The following SORCS3 variants were observed in gnomAD, a reference collection of about 807,000 sequenced individuals.
The protein encoded by SORCS3 is VPS10 domain-containing receptor SorCS3.
Under a neutral mutation model 146.3 loss-of-function variants are expected in SORCS3, and 57 were observed. The observed-to-expected ratio is 0.39, with a 90% CI of 0.31 to 0.49. The LOEUF is 0.49. Among genes scored for constraint, SORCS3 ranks in the 20% least tolerant of loss-of-function variants. SORCS3 has a pLI of 0.92. For missense variants in SORCS3, 1,341 were observed against 1,575.5 expected, an observed-to-expected ratio of 0.85 and a Z score of 2.52; for synonymous variants, 653 against 618.5, an observed-to-expected ratio of 1.06 and a Z score of -0.83.
chr10:104,789,330 C>T (rs1039111203), intron 1 of SORCS3, among the ~76,000 whole-genome samples: 2 of 152,136 alleles, frequency 1.3e-5, no homozygotes, highest in Non-Finnish European at 2.9e-5. Context: ...GGCATTGGTG[C>T]TGGGAGTCTA....
intron 20 of SORCS3, among the ~76,000 whole-genome samples, chr10:105,236,095 C>A (rs1254339245): frequency 6.6e-6 from 1 of 152,064 alleles, no homozygotes; most frequent in Non-Finnish European, 1.5e-5. Flanking sequence ...AAATTAGTTT[C>A]TCCGTATAGA....
chr10:105,041,592 A>G (rs2055338913), intron 4 of SORCS3, among the ~76,000 whole-genome samples: 1 of 151,938 alleles, frequency 6.6e-6, no homozygotes, highest in South Asian at 2.1e-4. Context: ...CCGTTGTTCA[A>G]TAAATATTTG....
chr10:105,131,359 A>G (rs1013539750), intron 7 of SORCS3, among the ~76,000 whole-genome samples: 2 of 152,184 alleles, frequency 1.3e-5, no homozygotes, highest in African/African-American at 4.8e-5. Flanking sequence ...TGGCTTAGAC[A>G]GATTATTCAC....
intron 2 of SORCS3, among the ~76,000 whole-genome samples, chr10:104,861,700 G>C (rs962885998): frequency 6.6e-6 from 1 of 152,134 alleles, no homozygotes; most frequent in Non-Finnish European, 1.5e-5. Context: ...ATGGCAGGAC[G>C]TCACCCAGTG....
At chr10:104,740,448 C>A (rs1405511902) in intron 1 of SORCS3, among the ~76,000 whole-genome samples, 2 of 152,206 alleles carry the variant, frequency 1.3e-5, no homozygotes, top group Non-Finnish European at 2.9e-5. Context: ...CGCACCTCCT[C>A]TGGGAAGTCT....
chr10:104,793,705 G>A (rs1223955560), intron 1 of SORCS3, among the ~76,000 whole-genome samples: 1 of 152,214 alleles, frequency 6.6e-6, no homozygotes, highest in Non-Finnish European at 1.5e-5. Context: ...AGAGCAGCAA[G>A]TGTATTATTT....
At chr10:104,699,275 T>A (rs765994515) in intron 1 of SORCS3, among the ~76,000 whole-genome samples, 29 of 152,310 alleles carry the variant, frequency 1.9e-4, no homozygotes, top group Middle Eastern at 3.4e-3. Flanking sequence ...TATCCACATG[T>A]GACATGTTTG....
At chr10:105,218,963 C>CA (rs2056681459) in intron 19 of SORCS3, among the ~76,000 whole-genome samples, 1 of 152,006 alleles carries the variant, frequency 6.6e-6, no homozygotes, top group Non-Finnish European at 1.5e-5. Context: ...TGCAGTGAGC[C>CA]AAAATCACGC....
intron 3 of SORCS3, among the ~76,000 whole-genome samples, chr10:104,936,141 T>C (rs1211474119): frequency 1.3e-5 from 2 of 152,220 alleles, no homozygotes; most frequent in Non-Finnish European, 2.9e-5. Flanking sequence ...AGTAAATTAA[T>C]CTATTATACA....
At chr10:104,953,236 AG>A (rs369115354) in intron 3 of SORCS3, among the ~76,000 whole-genome samples, 2 of 152,314 alleles carry the variant, frequency 1.3e-5, no homozygotes, top group South Asian at 4.1e-4. Context: ...ATCATGGTGA[AG>A]GCTCTGCTGA....
intron 1 of SORCS3, among the ~76,000 whole-genome samples, chr10:104,836,843 T>C (rs77575258): frequency 0.099 from 14,979 of 152,046 alleles, 916 homozygotes; most frequent in South Asian, 0.24. Flanking sequence ...ACTAGAATGC[T>C]GCCCCTACCT....
chr10:104,762,036 C>A (rs2017127202), intron 1 of SORCS3, among the ~76,000 whole-genome samples: 1 of 152,202 alleles, frequency 6.6e-6, no homozygotes, highest in Non-Finnish European at 1.5e-5. Flanking sequence ...CCACAAGAAT[C>A]CTTCTCTTAA....
chr10:104,878,521 T>G (rs1177221861), intron 2 of SORCS3, among the ~76,000 whole-genome samples: 1 of 152,202 alleles, frequency 6.6e-6, no homozygotes. Flanking sequence ...GTGTTTATTA[T>G]CTTTAATTGT....
At chr10:104,785,858 T>C (rs1477609329) in intron 1 of SORCS3, among the ~76,000 whole-genome samples, 1 of 152,202 alleles carries the variant, frequency 6.6e-6, no homozygotes, top group African/African-American at 2.4e-5. Flanking sequence ...CTGGTGAAAG[T>C]GGTCAATCTT....
intron 4 of SORCS3, among the ~76,000 whole-genome samples, chr10:105,031,659 T>C (rs914451594): frequency 6.6e-6 from 1 of 152,224 alleles, no homozygotes; most frequent in Non-Finnish European, 1.5e-5. Flanking sequence ...GAGGATATTA[T>C]TTCTTACATT....
At chr10:104,786,088 G>A (rs2017432226) in intron 1 of SORCS3, among the ~76,000 whole-genome samples, 1 of 152,066 alleles carries the variant, frequency 6.6e-6, no homozygotes, top group South Asian at 2.1e-4. Flanking sequence ...TGCTATTCTT[G>A]GAGATTCACA....
chr10:105,114,989 G>A (rs541170092), intron 7 of SORCS3, among the ~76,000 whole-genome samples: 1 of 152,230 alleles, frequency 6.6e-6, no homozygotes, highest in African/African-American at 2.4e-5. Flanking sequence ...TGTTCCAGAA[G>A]TACTAGCAAT....
At position 104,762,822 on chromosome 10, in the gene SORCS3, G is replaced by A. The variant is rs1410234453; in HGVS notation, c.628-79970G>A. ...TTCCTGAGGCTTCTCTAGCCATGCG[G>A]AACTGAGTCAATGAAATCTACTTTC... On this transcript the variant is annotated intron_variant, in intron 1 of 26. Coordinates refer to ENST00000369701, the MANE Select transcript of SORCS3 (RefSeq NM_014978.3). Among the ~76,000 whole-genome samples the A allele has an allele frequency of 2.0e-5, 3 of 152,178 alleles. No individual in the cohort carries two copies. The South Asian group carries it at 6.2e-4, about 32-fold the overall frequency.
chr10:104,855,552 T>A (rs1279066606), intron 2 of SORCS3, among the ~76,000 whole-genome samples: 1 of 152,214 alleles, frequency 6.6e-6, no homozygotes, highest in Non-Finnish European at 1.5e-5. Context: ...GTACACTTAT[T>A]TAAGTATTTC....
Sources: allele counts gnomAD v4.1 joint callset (sites outside exome capture counted in the v4.1 genomes callset), GRCh38; gene constraint gnomAD v4.1.1; transcripts MANE v1.5; gene names NCBI Gene and HGNC (gene_info 2026-07-23, HGNC 2026-07-21).